The following ABCA1 variants were observed in gnomAD, a reference collection of about 807,000 sequenced individuals.
ABCA1 encodes ATP binding cassette subfamily A member 1.
Under a neutral mutation model 262.5 loss-of-function variants are expected in ABCA1, and 133 were observed. The observed-to-expected ratio is 0.51, with a 90% confidence interval of 0.44 to 0.59. ABCA1 has a LOEUF of 0.59. Ranked by LOEUF, ABCA1 falls within the 20% of genes least tolerant of loss-of-function variation. The pLI, the probability that ABCA1 is intolerant of heterozygous loss-of-function variation, is 0.00. For synonymous variants in ABCA1, 1,022 were observed against 1,043.5 expected (o/e 0.98, Z 0.40); for missense variants, 2,452 against 2,777.5 (o/e 0.88, Z 2.63).
At chr9:104,912,211 A>G (rs1228789705) in intron 1 of ABCA1, among the ~76,000 whole-genome samples, 1 of 152,210 alleles carries the variant, frequency 6.6e-6, no homozygotes, top group Non-Finnish European at 1.5e-5. Flanking sequence ...GAGAAGCATA[A>G]TTCTTCATGT....
intron 16 of ABCA1, among the ~76,000 whole-genome samples, chr9:104,826,312 G>A (rs530868003): frequency 6.6e-6 from 1 of 152,266 alleles, no homozygotes; most frequent in South Asian, 2.1e-4. Flanking sequence ...GAGGCAACAG[G>A]AGCATCCTAT....
chr9:104,894,253 T>C (rs1840013041), intron 2 of ABCA1, among the ~76,000 whole-genome samples: 2 of 152,168 alleles, frequency 1.3e-5, no homozygotes, highest in African/African-American at 4.8e-5. Context: ...TTCCTGGATA[T>C]CTCTGCAGCC....
rs1832885179 is a variant in ABCA1, at chr9:104,827,229, T to C, written c.2116-60A>G. The C allele has an allele frequency of 1.0e-5, 14 of 1,406,172 alleles. No individual in the cohort carries two copies. The East Asian group carries it at 1.4e-4, about 14-fold the overall frequency. 87.1% of individuals were successfully genotyped at this position (1,406,172 alleles called of 1,614,324 possible). A position where few individuals can be genotyped will look rare whatever the true frequency, so the allele number is the denominator to read the frequency against. ...CAACAATCCCAAGCACTCACTTGTA[T>C]GATCTACAGAAAAAAGACAGGGTTT... is the stretch of plus-strand genomic sequence containing the variant. On this transcript the variant is annotated intron_variant, in intron 15 of 49. Coordinates refer to ENST00000374736, the MANE Select transcript of ABCA1 (RefSeq NM_005502.4).
At chr9:104,908,287 T>C (rs779485969) in intron 1 of ABCA1, among the ~76,000 whole-genome samples, 6 of 152,210 alleles carry the variant, frequency 3.9e-5, no homozygotes, top group Non-Finnish European at 8.8e-5. Flanking sequence ...CCATCCTAGG[T>C]ATTTGTGAAT....
chr9:104,859,589 C>T (rs547200908), intron 6 of ABCA1, among the ~76,000 whole-genome samples: 1 of 152,342 alleles, frequency 6.6e-6, no homozygotes, highest in African/African-American at 2.4e-5. Context: ...AAAAGCCTCT[C>T]AAAACCCATG....
intron 7 of ABCA1, chr9:104,855,742 T>G: frequency 6.5e-7 from 1 of 1,547,574 alleles, no homozygotes; most frequent in Non-Finnish European, 8.7e-7. Context: ...GCTGGTAAAA[T>G]ATTCAAATGC....
rs935277229 is a variant in ABCA1, at chr9:104,825,667, G to A, written c.2542+16C>T. On this transcript the variant is annotated intron_variant, in intron 17 of 49. Transcript: ENST00000374736. Reference sequence around the variant, plus strand: ...TAGAAGTCATATTTTCCAAACAGATGCCCAAAGCAGTGTACCTGGAAAGAC... The same window carrying A: ...TAGAAGTCATATTTTCCAAACAGATACCCAAAGCAGTGTACCTGGAAAGAC... 2 of 1,612,916 alleles carry A rather than the reference G, an allele frequency of 1.2e-6. No individual in the cohort carries two copies. Among genetic ancestry groups the A allele is most frequent in the Admixed American group, 1.7e-5 (1 of 60,010 alleles).
rs551131020 is a variant in ABCA1 at position 104,788,401 on chromosome 9, G to A, written c.6069+25C>T. 83 of 1,613,904 alleles carry A rather than the reference G, an allele frequency of 5.1e-5. 1 individual carries two copies. Among genetic ancestry groups the A allele is most frequent in the Non-Finnish European group, 6.9e-5 (81 of 1,179,916 alleles). ...ATTGTCAGGATGCCAAAGGAGACAG[G>A]CTGGCTTTCAGGTGCCCACAGTACC... is the stretch of plus-strand genomic sequence containing the variant. On this transcript the variant is annotated intron_variant, in intron 45 of 49. Coordinates refer to ENST00000374736, the MANE Select transcript of ABCA1 (RefSeq NM_005502.4).
In ABCA1 at chr9:104,845,492, C is replaced by A. The variant is rs367833585; in HGVS notation, c.798G>T (p.Gly266=). 6.2e-7 allele frequency: 1 copy of A among 1,613,810 alleles called. No homozygotes were observed. Among genetic ancestry groups the A allele is most frequent in the Non-Finnish European group, 8.5e-7 (1 of 1,179,762 alleles). Reference sequence around the variant, plus strand: ...CACAACTTACCTCCTGGGCCAGAGTCCCAAGACTATGCAGCAATGTTTTTG... The same window carrying A: ...CACAACTTACCTCCTGGGCCAGAGTACCAAGACTATGCAGCAATGTTTTTG... ...EATKTLLHSL[G]TLAQELFSMR... The change falls in exon 8 of 50, where the codon GGG becomes GGT. Residue 266 remains glycine, a synonymous_variant. Transcript: ENST00000374736.
intron 13 of ABCA1, among the ~76,000 whole-genome samples, chr9:104,831,325 C>A (rs762726662): frequency 1.3e-5 from 2 of 151,470 alleles, no homozygotes; most frequent in Non-Finnish European, 1.5e-5. Context: ...TCAAGCAATT[C>A]TCCTGCCTCA....
At chr9:104,822,743 G>A (rs937933114) in intron 18 of ABCA1, 76 bp from the exon 19 acceptor site, 44 of 1,552,862 alleles carry the variant, frequency 2.8e-5, no homozygotes, top group Non-Finnish European at 3.4e-5. Context: ...AGGGCACTGC[G>A]CTTGAACTTT....
intron 44 of ABCA1, among the ~76,000 whole-genome samples, chr9:104,790,516 C>T (rs1829335387): frequency 6.6e-6 from 1 of 152,170 alleles, no homozygotes; most frequent in South Asian, 2.1e-4. Context: ...TTAAATTCTA[C>T]ATACAGTATG....
At chr9:104,919,604 T>C (rs556465570) in intron 1 of ABCA1, among the ~76,000 whole-genome samples, 3 of 147,136 alleles carry the variant, frequency 2.0e-5, no homozygotes, top group Non-Finnish European at 4.4e-5. Context: ...ATAACGAGAC[T>C]CCATCTCAAA....
At chr9:104,815,428 C>T (rs1831654374) in intron 25 of ABCA1, among the ~76,000 whole-genome samples, 1 of 152,268 alleles carries the variant, frequency 6.6e-6, no homozygotes, top group Non-Finnish European at 1.5e-5. Flanking sequence ...CTTTTATATC[C>T]CCTTCAGCCT....
At chr9:104,862,655 G>C (rs1402856358) in intron 5 of ABCA1, among the ~76,000 whole-genome samples, 373 of 1,822 alleles carry the variant, frequency 0.2, 75 homozygotes, top group African/African-American at 0.43. Flanking sequence ...GGGCCGGGCC[G>C]GGCCGGGCCG....
chr9:104,807,205 C>T (rs966480860), intron 30 of ABCA1, among the ~76,000 whole-genome samples: 3 of 152,070 alleles, frequency 2.0e-5, no homozygotes, highest in Non-Finnish European at 4.4e-5. Flanking sequence ...TGAGTAGAGA[C>T]TGGCAAGATC....
chr9:104,827,222 A>T, intron 15 of ABCA1, 53 bp from the exon 16 acceptor site: 2 of 1,453,360 alleles, frequency 1.4e-6, no homozygotes, highest in Non-Finnish European at 1.9e-6. Flanking sequence ...CCAAGCACTC[A>T]CTTGTATGAT....
At chr9:104,786,251 T>C (rs779471095) in intron 48 of ABCA1, 47 bp downstream of exon 48, 6 of 1,435,176 alleles carry the variant, frequency 4.2e-6, no homozygotes, top group South Asian at 1.1e-5. Flanking sequence ...AGAATAAATA[T>C]CAAGCCTTCT....
intron 36 of ABCA1, 38 bp downstream of exon 36, chr9:104,799,781 T>G (rs1265313084): frequency 1.2e-6 from 2 of 1,613,970 alleles, no homozygotes; most frequent in Admixed American, 1.7e-5. Context: ...ACCCTCTCCC[T>G]TGCCCCACTC....
Sources: gnomAD v4.1 joint callset for allele counts (sites outside exome capture counted in the v4.1 genomes callset) on GRCh38, gnomAD v4.1.1 for gene constraint, MANE v1.5 for transcripts, NCBI Gene and HGNC (gene_info 2026-07-23, HGNC 2026-07-21) for gene names.